Variants in GTF2IRD1 observed in about 807,000 individuals in gnomAD.
The protein encoded by GTF2IRD1 is general transcription factor II-I repeat domain-containing protein 1.
Under a neutral mutation model 113.2 loss-of-function variants are expected in GTF2IRD1, and 26 were observed. The ratio of observed to expected loss-of-function variants is 0.23; its 90% CI spans 0.17 to 0.32. The LOEUF (loss-of-function observed/expected upper bound fraction) is 0.32, where lower values mean the gene tolerates loss of function less well. Among genes scored for constraint, GTF2IRD1 ranks in the 10% least tolerant of loss-of-function variants. The pLI is 1.00. For missense variants in GTF2IRD1, 864 were observed against 1,280.8 expected, an observed-to-expected ratio of 0.67 and a Z score of 4.97; for synonymous variants, 484 against 529.1, an observed-to-expected ratio of 0.91 and a Z score of 1.17.
intron 17 of GTF2IRD1, among the ~76,000 whole-genome samples, chr7:74,548,149 G>A (rs1256886400): frequency 6.6e-6 from 1 of 152,152 alleles, no homozygotes; most frequent in Non-Finnish European, 1.5e-5. Flanking sequence ...CGGGCGCGGT[G>A]GCTCACGCCT....
At chr7:74,567,306 G>A (rs1424586340) in intron 22 of GTF2IRD1, among the ~76,000 whole-genome samples, 5 of 151,260 alleles carry the variant, frequency 3.3e-5, no homozygotes, top group African/African-American at 9.7e-5. Flanking sequence ...CCAACCCGGC[G>A]ACACAGCGAG....
intron 22 of GTF2IRD1, among the ~76,000 whole-genome samples, chr7:74,580,548 T>C (rs1801354360): frequency 6.6e-6 from 1 of 151,852 alleles, no homozygotes; most frequent in South Asian, 2.1e-4. Context: ...ATAGCATGGC[T>C]GTGATTCAGT....
intron 1 of GTF2IRD1, among the ~76,000 whole-genome samples, chr7:74,503,314 A>C (rs1796132345): frequency 6.6e-6 from 1 of 152,164 alleles, no homozygotes; most frequent in Admixed American, 6.5e-5. Flanking sequence ...TGGGCGGAGC[A>C]AAATCGGGAG....
rs184959439 is a variant in GTF2IRD1 at position 74,466,842 on chromosome 7, A to T, written c.-7+12666A>T. Among the ~76,000 whole-genome samples the T allele has an allele frequency of 3.0e-3, 449 of 150,918 alleles. 3 individuals carry two copies. The highest frequency in any genetic ancestry group is 3.4e-3 in the Middle Eastern group (1 of 292). On this transcript the variant is annotated intron_variant, in intron 1 of 26. Transcript: ENST00000424337. Reference sequence around the variant, plus strand: ...TGTCCTCCGCATCCCTGACCTTAGCACCCTGCCTGTTGCGGAGTGGGCATC... The same window carrying T: ...TGTCCTCCGCATCCCTGACCTTAGCTCCCTGCCTGTTGCGGAGTGGGCATC...
At chr7:74,469,442 C>T (rs1793954711) in intron 1 of GTF2IRD1, among the ~76,000 whole-genome samples, 1 of 152,040 alleles carries the variant, frequency 6.6e-6, no homozygotes, top group Non-Finnish European at 1.5e-5. Context: ...ATTCCCTCCT[C>T]CCCCATCCCC....
intron 1 of GTF2IRD1, among the ~76,000 whole-genome samples, chr7:74,500,887 CTAAT>C (rs1340143039): frequency 6.6e-6 from 1 of 151,970 alleles, no homozygotes; most frequent in African/African-American, 2.4e-5. Context: ...CCACACCTGG[CTAAT>C]TTTTTTTATT....
At chr7:74,485,639 C>T (rs73364431) in intron 1 of GTF2IRD1, among the ~76,000 whole-genome samples, 3,849 of 150,418 alleles carry the variant, frequency 0.026, 159 homozygotes, top group African/African-American at 0.09. Context: ...AAAATAGATG[C>T]AGCTGGGAGC....
At chr7:74,532,336 T>C (rs904583378) in intron 9 of GTF2IRD1, among the ~76,000 whole-genome samples, 2 of 152,194 alleles carry the variant, frequency 1.3e-5, no homozygotes, top group Admixed American at 1.3e-4. Flanking sequence ...GGAGGATCAC[T>C]TGAGGCCAGG....
rs1584588553 is a variant in GTF2IRD1 at position 74,520,974 on chromosome 7, C to T, written c.917-234C>T. Among the ~76,000 whole-genome samples, 3 of 151,610 alleles carry T rather than the reference C, an allele frequency of 2.0e-5. No homozygotes were observed. In the South Asian group the frequency reaches 6.3e-4, roughly 32 times the overall value. On this transcript the variant is annotated intron_variant, in intron 6 of 26. Coordinates refer to ENST00000424337, the MANE Select transcript of GTF2IRD1 (RefSeq NM_005685.4). The stretch of plus-strand genomic sequence containing the variant: ...AAGTGTTCTTACCTGGAAAAGGTAA[C>T]CTCCGACATCCCTTTCTTGTTAACC...
intron 25 of GTF2IRD1, among the ~76,000 whole-genome samples, chr7:74,598,711 C>T (rs1455449468): frequency 6.6e-6 from 1 of 152,086 alleles, no homozygotes. Context: ...GATACTGTCA[C>T]CCACATCCAC....
In GTF2IRD1 at chr7:74,602,351, GT is replaced by G; in HGVS notation, c.2767-13del. The G allele has an allele frequency of 6.2e-7, 1 of 1,611,878 alleles. No individual in the cohort carries two copies. Among genetic ancestry groups the G allele is most frequent in the Non-Finnish European group, 8.5e-7 (1 of 1,178,470 alleles). Reference sequence around the variant, plus strand: ...CCTGGAGTCCTAATCCAGTCCCTTTGTCCCTCTCTCTAGCAATGGCCAATGT... The same window carrying G: ...CCTGGAGTCCTAATCCAGTCCCTTTGCCCTCTCTCTAGCAATGGCCAATGT... On this transcript the variant is annotated splice_polypyrimidine_tract_variant and intron_variant, in intron 26 of 26. Transcript: ENST00000424337.
At chr7:74,543,985 G>A (rs1420252012) in intron 14 of GTF2IRD1, among the ~76,000 whole-genome samples, 2 of 151,950 alleles carry the variant, frequency 1.3e-5, no homozygotes, top group Admixed American at 1.3e-4. Context: ...AGAGGTTGAG[G>A]CTGTAGTGAG....
Position 74,591,010 on chromosome 7 carries a change from C to T in GTF2IRD1, c.2584C>T (p.Gln862Ter). The T allele has an allele frequency of 6.2e-7, 1 of 1,609,608 alleles. No homozygotes were observed. Among genetic ancestry groups the T allele is most frequent in the Non-Finnish European group, 8.5e-7 (1 of 1,177,620 alleles). ...REHVRMVIINQLQPFAEICND... is the reference protein window; with the variant it reads ...REHVRMVIIN ...GCATGTCCGCATGGTCATCATTAACCAGCTCCAGTGAGTGCCCGGCCTCTG... is the reference window on the plus strand; with the variant it reads ...GCATGTCCGCATGGTCATCATTAACTAGCTCCAGTGAGTGCCCGGCCTCTG... Residue 862 changes from glutamine (Q) to a stop codon, truncating the protein, a stop_gained, in exon 24 of 27, where the codon CAG (glutamine) becomes TAG (stop). Transcript: ENST00000424337. LOFTEE classifies it high-confidence loss of function.
In GTF2IRD1 at chr7:74,602,415, G is replaced by A. The variant is rs142600727; in HGVS notation, c.2817G>A (p.Pro939=). Reference sequence around the variant, plus strand: ...ATGCCGGCCTGAACGTGCAGCTCCCGGGACCTCTTAATTACTAGACCTCAG... The same window carrying A: ...ATGCCGGCCTGAACGTGCAGCTCCCAGGACCTCTTAATTACTAGACCTCAG... ...VDYAGLNVQL[P]GPLNY The change falls in exon 27 of 27, where the codon CCG becomes CCA. Residue 939 remains proline, a synonymous_variant. Transcript: ENST00000424337. The A allele has an allele frequency of 4.7e-5, 76 of 1,613,430 alleles. No homozygotes were observed. Among genetic ancestry groups the A allele is most frequent in the African/African-American group, 1.1e-4 (8 of 74,924 alleles).
At chr7:74,568,867 G>T (rs1319609719) in intron 22 of GTF2IRD1, among the ~76,000 whole-genome samples, 2 of 152,154 alleles carry the variant, frequency 1.3e-5, no homozygotes, top group Non-Finnish European at 2.9e-5. Context: ...GCCAGAGAAG[G>T]ATGTGGGACA....
At chr7:74,483,221 T>A (rs77791402) in intron 1 of GTF2IRD1, among the ~76,000 whole-genome samples, 3,340 of 152,170 alleles carry the variant, frequency 0.022, 120 homozygotes, top group African/African-American at 0.076. Context: ...GAGGTTGTTT[T>A]CCAAAGTGTT....
rs1796678088 is a variant in GTF2IRD1, at chr7:74,512,245, G to A, written c.124-585G>A. Among the ~76,000 whole-genome samples the A allele has an allele frequency of 6.6e-6, 1 of 152,128 alleles. No homozygotes were observed. Among genetic ancestry groups the A allele is most frequent in the African/African-American group, 2.4e-5 (1 of 41,428 alleles). ...CGGGCGCCTGTAGTCCCAGCTACTC[G>A]GGAGGCTGAGGCAGGAGAATCGCTT... On this transcript the variant is annotated intron_variant, in intron 2 of 26. Transcript: ENST00000424337. The surrounding 1 kb of genome is among the most constrained non-coding windows in gnomAD (Gnocchi z 4.4).
At chr7:74,519,811 G>A in intron 6 of GTF2IRD1, 92 bp downstream of exon 6, 1 of 881,502 alleles carries the variant, frequency 1.1e-6, no homozygotes. Flanking sequence ...AGGATGCCTG[G>A]GCCCTCTTAG....
At chr7:74,488,753 A>G (rs941821057) in intron 1 of GTF2IRD1, among the ~76,000 whole-genome samples, 2 of 152,038 alleles carry the variant, frequency 1.3e-5, no homozygotes, top group African/African-American at 4.8e-5. Flanking sequence ...GTGACAGAAG[A>G]AAAAAAGAGA....
Sources: allele counts gnomAD v4.1 joint callset (sites outside exome capture counted in the v4.1 genomes callset), GRCh38; gene constraint gnomAD v4.1.1; non-coding constraint Gnocchi (gnomAD v3.1); transcripts MANE v1.5; gene names NCBI Gene and HGNC (gene_info 2026-07-23, HGNC 2026-07-21).